WDR25: variants seen among roughly 807,000 people sequenced by gnomAD.
WDR25 encodes the protein WD repeat domain 25, also known as WD repeat-containing protein 25.
WDR25 carries 35 observed loss-of-function variants against 47.7 expected under a neutral mutation model. That is an observed-to-expected ratio of 0.73 (90% CI 0.56 to 0.97). The LOEUF is 0.97. Among genes scored for constraint, WDR25 ranks in the 50% least tolerant of loss-of-function variants. The pLI, the probability that WDR25 is intolerant of heterozygous loss-of-function variation, is 0.00. For missense variants in WDR25, 634 were observed against 704.7 expected, an observed-to-expected ratio of 0.90 and a Z score of 1.14; for synonymous variants, 248 against 278.9, an observed-to-expected ratio of 0.89 and a Z score of 1.10.
In WDR25 at chr14:100,514,987, G is replaced by T. The variant is rs565130636; in HGVS notation, c.1102-10883G>T. Among the ~76,000 whole-genome samples, 6 of 152,076 alleles carry T rather than the reference G, an allele frequency of 3.9e-5. No homozygotes were observed. In the South Asian group the frequency reaches 1.2e-3, roughly 31 times the overall value. ...ATTTATGCTAGGTAAAGAATTTGGG[G>T]TTGATGATTTTTTTCTCTTCCAGTA... On this transcript the variant is annotated intron_variant, in intron 4 of 6. Coordinates refer to ENST00000402312, the MANE Select transcript of WDR25 (RefSeq NM_001161476.3).
chr14:100,486,773 C>T (rs1595138468), intron 4 of WDR25, among the ~76,000 whole-genome samples: 1 of 152,130 alleles, frequency 6.6e-6, no homozygotes, highest in African/African-American at 2.4e-5. Flanking sequence ...TCAGGGACCG[C>T]GGTGGGAATC....
intron 2 of WDR25, among the ~76,000 whole-genome samples, chr14:100,464,897 A>T (rs1171283635): frequency 8.1e-6 from 1 of 123,376 alleles, no homozygotes; most frequent in African/African-American, 3.2e-5. Context: ...ACCTCATTTC[A>T]TCTCCTCTAC....
chr14:100,530,077 G>A lies in WDR25; in HGVS notation c.*36G>A. 2 of 1,579,604 alleles carry A rather than the reference G, an allele frequency of 1.3e-6. No individual in the cohort carries two copies. Among genetic ancestry groups the A allele is most frequent in the Non-Finnish European group, 8.6e-7 (1 of 1,159,556 alleles). On this transcript the variant is annotated 3_prime_UTR_variant, in exon 7 of 7. Coordinates refer to ENST00000402312, the MANE Select transcript of WDR25 (RefSeq NM_001161476.3). ...ACTGAACCTTCCCGATGCCAGCTGG[G>A]CTCTTGGACTCCCCTCTTCCTCAAG...
chr14:100,380,725 CT>C (rs1424109421), intron 1 of WDR25, among the ~76,000 whole-genome samples, 184 bp from the exon 2 acceptor site: 1 of 152,134 alleles, frequency 6.6e-6, no homozygotes, highest in Non-Finnish European at 1.5e-5. Flanking sequence ...AACTCCTGAT[CT>C]CAGGTTATCC....
chr14:100,376,756 T>G lies in WDR25; in HGVS notation c.-16+261T>G, dbSNP rs898293048. On this transcript the variant is annotated intron_variant, in intron 1 of 6. Transcript: ENST00000402312. ...GCTCTGGGGCCTCCGGGGGGATCTG[T>G]GTTTTGTGTTTGATTTCCACCCACA... 5 of 1,229,466 alleles carry G rather than the reference T, an allele frequency of 4.1e-6. 1 individual carries two copies. In the African/African-American group the frequency reaches 6.2e-5, roughly 15 times the overall value. The allele number at this position is 1,229,466 out of a possible 1,614,324, so 76.2% of individuals were successfully genotyped here. A position where few individuals can be genotyped will look rare whatever the true frequency, so the allele number is the denominator to read the frequency against.
At position 100,485,606 on chromosome 14, in the gene WDR25, G is replaced by A. The variant is rs142408674; in HGVS notation, c.1101+1482G>A. The stretch of plus-strand genomic sequence containing the variant: ...GAGTCTTTCAACGCTGTGTGTCTTG[G>A]TCTCAACAGTGGGGAGCCACGGGAG... On this transcript the variant is annotated intron_variant, in intron 4 of 6. Coordinates refer to ENST00000402312, the MANE Select transcript of WDR25 (RefSeq NM_001161476.3). Among the ~76,000 whole-genome samples the A allele has an allele frequency of 9.2e-3, 1,400 of 152,302 alleles. 24 individuals carry two copies. The highest frequency in any genetic ancestry group is 0.032 in the African/African-American group (1,326 of 41,556).
intron 2 of WDR25, among the ~76,000 whole-genome samples, chr14:100,467,523 T>C (rs1899676186): frequency 6.6e-6 from 1 of 152,178 alleles, no homozygotes; most frequent in South Asian, 2.1e-4. Flanking sequence ...TGAGACAGTC[T>C]CGCTGTGTCA....
chr14:100,524,583 G>T (rs943894270), intron 4 of WDR25, among the ~76,000 whole-genome samples: 4 of 152,102 alleles, frequency 2.6e-5, no homozygotes, highest in Non-Finnish European at 4.4e-5. Context: ...GCTTCAGGGG[G>T]CCCACTCTGA....
At chr14:100,436,804 C>T (rs1422601896) in intron 2 of WDR25, among the ~76,000 whole-genome samples, 1 of 152,210 alleles carries the variant, frequency 6.6e-6, no homozygotes, top group Non-Finnish European at 1.5e-5. Flanking sequence ...CGTCTCTTCG[C>T]TCTCGCCCCC....
intron 2 of WDR25, among the ~76,000 whole-genome samples, chr14:100,387,845 A>AT (rs1483828686): frequency 6.6e-6 from 1 of 152,196 alleles, no homozygotes; most frequent in Non-Finnish European, 1.5e-5. Context: ...CAGCTTCCAA[A>AT]TTTTGTGGTT....
chr14:100,410,265 G>C lies in WDR25; in HGVS notation c.822+28519G>C, dbSNP rs543392551. ...CTGGCTTCCTGAGGTTTTTACATATGCTCTGGAATCTGGAGTGAGGGTGTA... is the reference window on the plus strand; with the variant it reads ...CTGGCTTCCTGAGGTTTTTACATATCCTCTGGAATCTGGAGTGAGGGTGTA... On this transcript the variant is annotated intron_variant, in intron 2 of 6. Coordinates refer to ENST00000402312, the MANE Select transcript of WDR25 (RefSeq NM_001161476.3). Among the ~76,000 whole-genome samples the C allele has an allele frequency of 1.6e-4, 24 of 152,280 alleles. 1 individual carries two copies. The Middle Eastern group carries it at 0.02, about 129-fold the overall frequency.
chr14:100,415,369 G>C, intron 2 of WDR25, among the ~76,000 whole-genome samples: 1 of 152,296 alleles, frequency 6.6e-6, no homozygotes, highest in Middle Eastern at 3.4e-3. Context: ...TGGGAGGTAC[G>C]TAGGCATGCT....
intron 4 of WDR25, among the ~76,000 whole-genome samples, chr14:100,511,599 CCTTT>C (rs779649269): frequency 7.7e-4 from 117 of 152,110 alleles, no homozygotes; most frequent in Middle Eastern, 3.4e-3. Flanking sequence ...TTCCTTCCTT[CCTTT>C]CTTGTTTCCT....
intron 3 of WDR25, among the ~76,000 whole-genome samples, chr14:100,471,915 G>A (rs1468285199): frequency 1.3e-5 from 2 of 152,156 alleles, no homozygotes; most frequent in East Asian, 1.9e-4. Context: ...CTAACAAAAC[G>A]TCTGTGGCAC....
chr14:100,503,279 G>A (rs951895370), intron 4 of WDR25, among the ~76,000 whole-genome samples: 1 of 152,138 alleles, frequency 6.6e-6, no homozygotes, highest in African/African-American at 2.4e-5. Context: ...CTGGGAGCCT[G>A]AGCCAGCTCA....
Position 100,456,094 on chromosome 14 carries a change from A to G in WDR25, c.823-11927A>G, listed in dbSNP as rs537977965. ...AATGTGAAGCCAGGCATGGTGGTGC[A>G]TGCCTGTAATCCCAGCTACTTGCGA... On this transcript the variant is annotated intron_variant, in intron 2 of 6. Coordinates refer to ENST00000402312, the MANE Select transcript of WDR25 (RefSeq NM_001161476.3). 5.6e-4 allele frequency among the ~76,000 whole-genome samples: 85 copies of G among 152,326 alleles called. 1 individual carries two copies. The highest frequency in any genetic ancestry group is 1.0e-3 in the Non-Finnish European group (69 of 68,020).
Position 100,428,887 on chromosome 14 carries a change from C to T in WDR25, c.823-39134C>T, listed in dbSNP as rs919593939. Among the ~76,000 whole-genome samples the T allele has an allele frequency of 4.6e-5, 7 of 152,086 alleles. No individual in the cohort carries two copies. Among genetic ancestry groups the T allele is most frequent in the African/African-American group, 1.4e-4 (6 of 41,410 alleles). On this transcript the variant is annotated intron_variant, in intron 2 of 6. Coordinates refer to ENST00000402312, the MANE Select transcript of WDR25 (RefSeq NM_001161476.3). The surrounding 1 kb of genome is among the most constrained non-coding windows in gnomAD (Gnocchi z 4.3). ...TCATGAAGCAATATCACTCAAGCTCCTCTTGCGTCTTTGGCACCAGAGGCG... is the reference window on the plus strand; with the variant it reads ...TCATGAAGCAATATCACTCAAGCTCTTCTTGCGTCTTTGGCACCAGAGGCG...
At chr14:100,399,292 T>C (rs1017428133) in intron 2 of WDR25, among the ~76,000 whole-genome samples, 2 of 152,226 alleles carry the variant, frequency 1.3e-5, no homozygotes, top group African/African-American at 4.8e-5. Flanking sequence ...AACTAGAGCA[T>C]GCTTTGCATA....
chr14:100,437,815 G>A (rs1035146878), intron 2 of WDR25, among the ~76,000 whole-genome samples: 6 of 152,098 alleles, frequency 3.9e-5, no homozygotes, highest in African/African-American at 1.4e-4. Context: ...GACAGGAGCT[G>A]GCTCAGAGCA....
Sources: allele counts gnomAD v4.1 joint callset (sites outside exome capture counted in the v4.1 genomes callset), GRCh38; gene constraint gnomAD v4.1.1; non-coding constraint Gnocchi (gnomAD v3.1); transcripts MANE v1.5; gene names NCBI Gene and HGNC (gene_info 2026-07-23, HGNC 2026-07-21).